Variants in MPPED2 observed in about 807,000 individuals in gnomAD.
MPPED2 encodes metallophosphoesterase domain containing 2.
Under a neutral mutation model 33.0 loss-of-function variants are expected in MPPED2, and 5 were observed. That is an observed-to-expected ratio of 0.15 (90% CI 0.08 to 0.32). The LOEUF (loss-of-function observed/expected upper bound fraction) is 0.32. Among genes scored for constraint, MPPED2 ranks in the 10% least tolerant of loss-of-function variants. The pLI, the probability that MPPED2 is intolerant of heterozygous loss-of-function variation, is 1.00. For synonymous variants in MPPED2, 136 were observed against 141.9 expected, an observed-to-expected ratio of 0.96 and a Z score of 0.29; for missense variants, 275 against 372.1, an observed-to-expected ratio of 0.74 and a Z score of 2.15.
At chr11:30,484,526 A>T (rs764926765) in intron 4 of MPPED2, among the ~76,000 whole-genome samples, 1 of 152,124 alleles carries the variant, frequency 6.6e-6, no homozygotes, top group Non-Finnish European at 1.5e-5. Flanking sequence ...AAAGTTTGAC[A>T]CTCACTTGGT....
At chr11:30,471,299 A>T (rs1414440334) in intron 4 of MPPED2, among the ~76,000 whole-genome samples, 1 of 152,214 alleles carries the variant, frequency 6.6e-6, no homozygotes, top group Non-Finnish European at 1.5e-5. Context: ...TTGCTGCTAG[A>T]GTTCTTTCCA....
At chr11:30,495,926 A>G (rs1271324552) in intron 3 of MPPED2, among the ~76,000 whole-genome samples, 1 of 152,208 alleles carries the variant, frequency 6.6e-6, no homozygotes, top group Non-Finnish European at 1.5e-5. Context: ...TATTCTTAAC[A>G]ACTTAGATAA....
intron 6 of MPPED2, among the ~76,000 whole-genome samples, chr11:30,412,977 A>ATTCCCCCATCACTGGTG (rs1191298214): frequency 5.3e-5 from 8 of 152,194 alleles, no homozygotes; most frequent in African/African-American, 1.7e-4. Flanking sequence ...CCCTCCAGGC[A>ATTCCCCCATCACTGGTG]TTCCCCCATC....
intron 4 of MPPED2, among the ~76,000 whole-genome samples, chr11:30,468,705 A>G (rs1263792511): frequency 6.6e-6 from 1 of 152,208 alleles, no homozygotes; most frequent in Non-Finnish European, 1.5e-5. Flanking sequence ...ACACAATCAC[A>G]CCAGGAACTC....
chr11:30,427,506 C>T (rs1948892760), intron 4 of MPPED2, among the ~76,000 whole-genome samples: 1 of 152,182 alleles, frequency 6.6e-6, no homozygotes, highest in Admixed American at 6.5e-5. Flanking sequence ...TACCATACAG[C>T]CATTAAACAT....
At chr11:30,458,618 A>T (rs1196822069) in intron 4 of MPPED2, among the ~76,000 whole-genome samples, 1 of 152,204 alleles carries the variant, frequency 6.6e-6, no homozygotes, top group Non-Finnish European at 1.5e-5. Context: ...CTAGGGATAA[A>T]TACGCCACCA....
At chr11:30,548,276 C>T (rs73459719) in intron 2 of MPPED2, among the ~76,000 whole-genome samples, 2,798 of 151,890 alleles carry the variant, frequency 0.018, 82 homozygotes, top group African/African-American at 0.064. Flanking sequence ...TGTAAAGGTG[C>T]GATCATAGCT....
chr11:30,583,219 G>T (rs1957273005), intron 1 of MPPED2, among the ~76,000 whole-genome samples: 1 of 137,518 alleles, frequency 7.3e-6, no homozygotes, highest in African/African-American at 2.9e-5. Context: ...TATAACCTGA[G>T]AAATTTGGAG....
At chr11:30,512,943 G>A (rs975909970) in intron 3 of MPPED2, among the ~76,000 whole-genome samples, 2 of 151,830 alleles carry the variant, frequency 1.3e-5, no homozygotes, top group Admixed American at 6.6e-5. Context: ...GAGTTGCGCT[G>A]ACCCAAGATC....
intron 4 of MPPED2, among the ~76,000 whole-genome samples, chr11:30,461,118 G>A (rs1950500951): frequency 6.6e-6 from 1 of 152,144 alleles, no homozygotes; most frequent in South Asian, 2.1e-4. Context: ...GACACAAAAG[G>A]GTAAAGATTG....
At chr11:30,457,766 A>G (rs1352613179) in intron 4 of MPPED2, among the ~76,000 whole-genome samples, 1 of 152,176 alleles carries the variant, frequency 6.6e-6, no homozygotes, top group Non-Finnish European at 1.5e-5. Flanking sequence ...AAAGTTCACA[A>G]TATATGCTGT....
intron 6 of MPPED2, among the ~76,000 whole-genome samples, chr11:30,413,296 C>T (rs1948195232): frequency 6.6e-6 from 1 of 152,202 alleles, no homozygotes. Flanking sequence ...TCATAAGTAA[C>T]TCCAGAGAGC....
intron 4 of MPPED2, among the ~76,000 whole-genome samples, chr11:30,431,194 G>T (rs946506715): frequency 1.3e-5 from 2 of 152,126 alleles, no homozygotes; most frequent in African/African-American, 4.8e-5. Context: ...GGATTATTAC[G>T]ATAAAAAGGC....
Position 30,411,026 on chromosome 11 carries a change from A to AG in MPPED2, c.*441_*442insC, listed in dbSNP as rs1948082999. 6 of 985,808 alleles carry AG rather than the reference A, an allele frequency of 6.1e-6. No homozygotes were observed. The East Asian group carries it at 6.8e-4, about 112-fold the overall frequency. 61.1% of individuals were successfully genotyped at this position (985,808 alleles called of 1,614,324 possible). A position where few individuals can be genotyped will look rare whatever the true frequency, so the allele number is the denominator to read the frequency against. ...TCTGCAAAAAAGAAGCATTACCAAG[A>AG]AAACAACAACAACAAAACATTGAAA... On this transcript the variant is annotated 3_prime_UTR_variant, in exon 7 of 7. Transcript: ENST00000358117.
intron 3 of MPPED2, among the ~76,000 whole-genome samples, chr11:30,530,065 C>T (rs146851560): frequency 5.3e-5 from 8 of 152,236 alleles, no homozygotes; most frequent in South Asian, 2.1e-4. Flanking sequence ...GATTGTTATA[C>T]GTAAACTTTT....
chr11:30,499,925 G>A (rs1952479069), intron 3 of MPPED2, among the ~76,000 whole-genome samples: 1 of 152,080 alleles, frequency 6.6e-6, no homozygotes, highest in Non-Finnish European at 1.5e-5. Flanking sequence ...AAAAGTTTCT[G>A]CACTTCCAGC....
chr11:30,581,127 T>C (rs1480201428), intron 1 of MPPED2, among the ~76,000 whole-genome samples: 1 of 152,172 alleles, frequency 6.6e-6, no homozygotes, highest in East Asian at 1.9e-4. Context: ...TCTTGTTAAA[T>C]GTAGTGTCAT....
At chr11:30,444,081 G>T (rs1465968694) in intron 4 of MPPED2, among the ~76,000 whole-genome samples, 2 of 152,162 alleles carry the variant, frequency 1.3e-5, no homozygotes, top group African/African-American at 4.8e-5. Context: ...GCTTATTATA[G>T]TAAGTTCAAA....
chr11:30,416,756 G>A lies in MPPED2; in HGVS notation c.652+762C>T, dbSNP rs565867133. ...AGCACACCTTAGTCATTTAGAAAGG[G>A]TCCTGGCATAATGGGTACTGAGTAG... On this transcript the variant is annotated intron_variant, in intron 5 of 6. Transcript: ENST00000358117. 2.0e-5 allele frequency among the ~76,000 whole-genome samples: 3 copies of A among 152,264 alleles called. No homozygotes were observed. The South Asian group carries it at 6.2e-4, about 32-fold the overall frequency.
Sources: gnomAD v4.1 joint callset for allele counts (sites outside exome capture counted in the v4.1 genomes callset) on GRCh38, gnomAD v4.1.1 for gene constraint, MANE v1.5 for transcripts, NCBI Gene and HGNC (gene_info 2026-07-23, HGNC 2026-07-21) for gene names.